SAMD3: variants seen among roughly 807,000 people sequenced by gnomAD.
SAMD3 encodes sterile alpha motif domain containing 3.
SAMD3 carries 63 observed loss-of-function variants against 58.5 expected under a neutral mutation model. The ratio of observed to expected loss-of-function variants is 1.08; its 90% CI spans 0.88 to 1.33. SAMD3 has a LOEUF of 1.33. Ranked by LOEUF, SAMD3 falls within the 40% of genes most tolerant of loss-of-function variation. The pLI is 0.00. For missense variants in SAMD3, 604 were observed against 608.4 expected (o/e 0.99, Z 0.08); for synonymous variants, 220 against 210.3 (o/e 1.05, Z -0.40).
intron 1 of SAMD3, among the ~76,000 whole-genome samples, chr6:130,352,203 T>C (rs929322748): frequency 1.2e-4 from 19 of 152,018 alleles, no homozygotes; most frequent in African/African-American, 4.3e-4. Flanking sequence ...TCCTAAAACT[T>C]AAAGTATAAT....
At chr6:130,173,472 C>T (rs1242936082) in intron 8 of SAMD3, among the ~76,000 whole-genome samples, 1 of 152,228 alleles carries the variant, frequency 6.6e-6, no homozygotes, top group Admixed American at 6.5e-5. Context: ...TGGAGGTCCA[C>T]TCCAGATGCT....
chr6:130,220,824 TAGAAAC>T (rs1167226208), intron 1 of SAMD3, among the ~76,000 whole-genome samples: 4 of 151,996 alleles, frequency 2.6e-5, no homozygotes, highest in Non-Finnish European at 5.9e-5. Flanking sequence ...AATAGAAACT[TAGAAAC>T]AGAAACATTC....
chr6:130,240,482 C>T (rs980348667), intron 2 of SAMD3, among the ~76,000 whole-genome samples: 2 of 152,180 alleles, frequency 1.3e-5, no homozygotes, highest in African/African-American at 4.8e-5. Flanking sequence ...AAATTATTGG[C>T]TCTTACATCA....
At chr6:130,283,374 T>C (rs968156670) in intron 2 of SAMD3, among the ~76,000 whole-genome samples, 1 of 152,212 alleles carries the variant, frequency 6.6e-6, no homozygotes, top group African/African-American at 2.4e-5. Context: ...GTATGAAATA[T>C]ATGAATCCTT....
intron 2 of SAMD3, among the ~76,000 whole-genome samples, chr6:130,295,123 GT>G (rs1172587297): frequency 2.6e-5 from 4 of 151,962 alleles, no homozygotes; most frequent in African/African-American, 9.6e-5. Context: ...AGGTTTCTCT[GT>G]GTTGGTCAGG....
intron 2 of SAMD3, among the ~76,000 whole-genome samples, chr6:130,242,727 CA>C (rs1773405544): frequency 6.6e-6 from 1 of 152,196 alleles, no homozygotes; most frequent in Non-Finnish European, 1.5e-5. Flanking sequence ...TCCCTCTGCT[CA>C]AATCAGGAAG....
At chr6:130,255,229 G>A (rs1477081243) in intron 2 of SAMD3, among the ~76,000 whole-genome samples, 8 of 152,264 alleles carry the variant, frequency 5.3e-5, no homozygotes, top group East Asian at 3.9e-4. Context: ...ATGATCTATC[G>A]TGAAGAATGT....
chr6:130,266,149 GTGGT>G (rs566354891), intron 2 of SAMD3, among the ~76,000 whole-genome samples: 46 of 152,232 alleles, frequency 3.0e-4, no homozygotes, highest in African/African-American at 1.1e-3. Context: ...AGTAAATATC[GTGGT>G]TTGAGGAAAA....
intron 2 of SAMD3, among the ~76,000 whole-genome samples, chr6:130,298,361 C>T (rs1427034866): frequency 6.6e-6 from 1 of 151,834 alleles, no homozygotes; most frequent in Non-Finnish European, 1.5e-5. Context: ...CCAGATCAGT[C>T]TTAAAAAAAT....
intron 1 of SAMD3, among the ~76,000 whole-genome samples, chr6:130,351,831 A>C (rs993508187): frequency 5.3e-5 from 8 of 152,170 alleles, no homozygotes; most frequent in African/African-American, 1.9e-4. Context: ...CATCAATGAT[A>C]GACTGGATTA....
At chr6:130,306,033 C>A (rs929254059) in intron 2 of SAMD3, among the ~76,000 whole-genome samples, 2 of 152,200 alleles carry the variant, frequency 1.3e-5, no homozygotes, top group African/African-American at 4.8e-5. Flanking sequence ...AGGCAGTTCT[C>A]TAGGGTCTCT....
At chr6:130,365,377 G>A in exon 1 of SAMD3, 1 of 985,532 alleles carries the variant, frequency 1.0e-6, no homozygotes, top group Non-Finnish European at 1.2e-6. Flanking sequence ...GGAACCCCTT[G>A]CCGGGCCGGC....
At position 130,145,426 on chromosome 6, in the gene SAMD3, T is replaced by C. The variant is rs1788532556; in HGVS notation, c.1196-4A>G. The C allele has an allele frequency of 6.2e-7, 1 of 1,600,300 alleles. No individual in the cohort carries two copies. Among genetic ancestry groups the C allele is most frequent in the Non-Finnish European group, 8.6e-7 (1 of 1,168,848 alleles). ...CATGTGGCTGTCATCTTCATGTCTGTCAAAGCAAATATGTTAACATGTGAA... is the reference window on the plus strand; with the variant it reads ...CATGTGGCTGTCATCTTCATGTCTGCCAAAGCAAATATGTTAACATGTGAA... On this transcript the variant is annotated splice_polypyrimidine_tract_variant and splice_region_variant and intron_variant, in intron 10 of 11. Transcript: ENST00000439090.
chr6:130,306,240 C>T (rs576573584), intron 2 of SAMD3, among the ~76,000 whole-genome samples: 1 of 152,266 alleles, frequency 6.6e-6, no homozygotes, highest in African/African-American at 2.4e-5. Context: ...CTAAATTAAT[C>T]ACTGTCTAAG....
chr6:130,235,907 T>C (rs910846587), intron 2 of SAMD3, among the ~76,000 whole-genome samples: 1 of 152,218 alleles, frequency 6.6e-6, no homozygotes, highest in Non-Finnish European at 1.5e-5. Context: ...GGTAGCACTA[T>C]TGTTATGTTC....
At chr6:130,347,621 G>A (rs188594096) in intron 1 of SAMD3, among the ~76,000 whole-genome samples, 102 of 152,266 alleles carry the variant, frequency 6.7e-4, no homozygotes, top group African/African-American at 2.3e-3. Flanking sequence ...TGAAAGTGAC[G>A]GGGAGAATGG....
intron 5 of SAMD3, among the ~76,000 whole-genome samples, chr6:130,207,163 A>AT (rs200013764): frequency 0.051 from 7,335 of 144,278 alleles, 255 homozygotes; most frequent in African/African-American, 0.086. Context: ...TCTCATCAAA[A>AT]AAAAAAAAAG....
intron 2 of SAMD3, among the ~76,000 whole-genome samples, chr6:130,255,674 G>T (rs1027858051): frequency 6.6e-6 from 1 of 151,708 alleles, no homozygotes; most frequent in African/African-American, 2.4e-5. Flanking sequence ...CTTTTTGATA[G>T]ATAGACACAA....
chr6:130,231,121 GA>G (rs1428052885), intron 2 of SAMD3, among the ~76,000 whole-genome samples: 2 of 151,906 alleles, frequency 1.3e-5, no homozygotes, highest in African/African-American at 2.4e-5. Flanking sequence ...AAAATGTGGA[GA>G]ATATACAAGG....
Sources: gnomAD v4.1 joint callset for allele counts (sites outside exome capture counted in the v4.1 genomes callset) on GRCh38, gnomAD v4.1.1 for gene constraint, MANE v1.5 for transcripts, NCBI Gene and HGNC (gene_info 2026-07-23, HGNC 2026-07-21) for gene names.